Variants in TEKT5 observed in about 807,000 individuals in gnomAD.
TEKT5 encodes tektin 5.
In TEKT5, 52 loss-of-function variants were observed where a neutral mutation model predicts 48.7. That is an observed-to-expected ratio of 1.07 (90% CI 0.86 to 1.35). TEKT5 has a LOEUF of 1.35. TEKT5 is among the 40% of genes most tolerant of loss of function. The pLI is 0.00. For synonymous variants in TEKT5, 318 were observed against 267.6 expected (o/e 1.19, Z -1.84); for missense variants, 831 against 641.6 (o/e 1.30, Z -3.19).
At chr16:10,682,618 A>G (rs1306921810) in intron 3 of TEKT5, among the ~76,000 whole-genome samples, 1 of 152,172 alleles carries the variant, frequency 6.6e-6, no homozygotes, top group Non-Finnish European at 1.5e-5. Flanking sequence ...ATAAGCCACC[A>G]CACCTGGCCC....
At position 10,689,962 on chromosome 16, in the gene TEKT5, C is replaced by T. The variant is rs772683719; in HGVS notation, c.628G>A (p.Val210Met). The change falls in exon 2 of 7, where the codon GTG becomes ATG. Residue 210 changes from valine (V) to methionine (M), a missense_variant. Physicochemically the swap from Val to Met is conservative, Grantham distance 21. Transcript: ENST00000283025. Reference protein sequence around the residue: ...RIGIDLVHDNVEKNLIREVDL... With the variant: ...RIGIDLVHDNMEKNLIREVDL... ...CTTACCCGGATAAGGTTTTTCTCCA[C>T]GTTGTCATGGACCAAATCAATCCCA... 24 of 1,614,032 alleles carry T rather than the reference C, an allele frequency of 1.5e-5. No individual in the cohort carries two copies. Among genetic ancestry groups the T allele is most frequent in the Admixed American group, 1.3e-4 (8 of 60,014 alleles).
intron 1 of TEKT5, chr16:10,690,573 G>T: frequency 1.0e-6 from 1 of 985,332 alleles, no homozygotes; most frequent in Non-Finnish European, 1.2e-6. Flanking sequence ...GTAAATCACT[G>T]AGAACACTGC....
At chr16:10,658,341 T>G (rs2719661) in intron 5 of TEKT5, among the ~76,000 whole-genome samples, 3,554 of 152,260 alleles carry the variant, frequency 0.023, 137 homozygotes, top group African/African-American at 0.082. Flanking sequence ...CATAACAACT[T>G]AAACATCTAT....
chr16:10,654,223 G>A (rs978272489), intron 5 of TEKT5, among the ~76,000 whole-genome samples: 3 of 152,102 alleles, frequency 2.0e-5, no homozygotes, highest in Non-Finnish European at 4.4e-5. Flanking sequence ...GCTAATTTTT[G>A]TGTTTTTCAC....
chr16:10,652,282 C>G (rs1056151143), intron 5 of TEKT5, among the ~76,000 whole-genome samples: 2 of 152,080 alleles, frequency 1.3e-5, no homozygotes, highest in African/African-American at 4.8e-5. Context: ...GCATGCCCAG[C>G]TCTTCCCACA....
chr16:10,682,573 CT>C (rs1898775703), intron 3 of TEKT5, among the ~76,000 whole-genome samples: 2 of 152,224 alleles, frequency 1.3e-5, no homozygotes, highest in South Asian at 4.1e-4. Flanking sequence ...AGTGATCCCC[CT>C]GCCTCAGTTT....
intron 5 of TEKT5, among the ~76,000 whole-genome samples, chr16:10,654,943 C>CT (rs1898233777): frequency 2.1e-5 from 1 of 46,812 alleles, no homozygotes; most frequent in East Asian, 6.1e-4. Context: ...TCCCCTCCCC[C>CT]ACCCCCCCCC....
chr16:10,694,328 C>G lies in TEKT5; in HGVS notation c.546G>C (p.Glu182Asp). The G allele has an allele frequency of 6.2e-7, 1 of 1,602,778 alleles. No homozygotes were observed. The highest frequency in any genetic ancestry group is 8.5e-7 in the Non-Finnish European group (1 of 1,174,174). ...VKRRLECAAN[E>D]VNCPLQVALE... ...TACTCACCTGCAATGGGCAGTTCACCTCATTGGCCGCGCACTCCAGCCGCC... is the reference window on the plus strand; with the variant it reads ...TACTCACCTGCAATGGGCAGTTCACGTCATTGGCCGCGCACTCCAGCCGCC... Residue 182 changes from glutamate (E) to aspartate (D), a missense_variant, in exon 1 of 7, where the codon GAG (glutamate) becomes GAC (aspartate). By Grantham distance (45) the Glu-to-Asp change is conservative. Transcript: ENST00000283025.
intron 5 of TEKT5, among the ~76,000 whole-genome samples, chr16:10,640,074 C>CTTCTCCTCCTTCCTTCCT (rs1555464845): frequency 7.3e-6 from 1 of 136,666 alleles, no homozygotes; most frequent in Non-Finnish European, 1.5e-5. Flanking sequence ...TTTCTTTCTC[C>CTTCTCCTCCTTCCTTCCT]TTCTTCTCCT....
chr16:10,654,464 G>A (rs1372967479), intron 5 of TEKT5, among the ~76,000 whole-genome samples: 1 of 152,170 alleles, frequency 6.6e-6, no homozygotes, highest in Non-Finnish European at 1.5e-5. Flanking sequence ...TGTCTGTGAA[G>A]GTGTTTCTGG....
chr16:10,674,120 G>A (rs1408008167), intron 5 of TEKT5, among the ~76,000 whole-genome samples: 1 of 151,958 alleles, frequency 6.6e-6, no homozygotes, highest in Non-Finnish European at 1.5e-5. Context: ...AGACCCACCT[G>A]CCCCTTCCTC....
intron 3 of TEKT5, among the ~76,000 whole-genome samples, chr16:10,683,617 T>C (rs1297247858): frequency 6.6e-6 from 1 of 152,072 alleles, no homozygotes; most frequent in Non-Finnish European, 1.5e-5. Context: ...TGAGATGGAG[T>C]TTTCCTTTTG....
chr16:10,647,602 G>C (rs909698928), intron 5 of TEKT5, among the ~76,000 whole-genome samples: 1 of 152,030 alleles, frequency 6.6e-6, no homozygotes, highest in African/African-American at 2.4e-5. Flanking sequence ...ATCTAGAGAT[G>C]CCTCAGGCCA....
At chr16:10,641,165 C>T (rs960736678) in intron 5 of TEKT5, among the ~76,000 whole-genome samples, 5 of 152,290 alleles carry the variant, frequency 3.3e-5, no homozygotes, top group Admixed American at 3.3e-4. Flanking sequence ...TTCAGCCATT[C>T]TCATGAACAT....
intron 4 of TEKT5, among the ~76,000 whole-genome samples, chr16:10,676,481 A>AG (rs1301028320): frequency 7.9e-5 from 12 of 152,098 alleles, no homozygotes. Context: ...CTCATTTTAC[A>AG]GGGGAAGCAA....
intron 5 of TEKT5, among the ~76,000 whole-genome samples, chr16:10,658,186 C>T (rs985301997): frequency 1.3e-5 from 2 of 152,134 alleles, no homozygotes; most frequent in East Asian, 1.9e-4. Context: ...CAATATTTGT[C>T]AACCTCTGAA....
At chr16:10,685,690 C>T (rs1330794398) in intron 3 of TEKT5, among the ~76,000 whole-genome samples, 1 of 152,114 alleles carries the variant, frequency 6.6e-6, no homozygotes, top group Non-Finnish European at 1.5e-5. Flanking sequence ...GCATATCTGA[C>T]TCTGTGCCTC....
intron 5 of TEKT5, among the ~76,000 whole-genome samples, chr16:10,656,021 G>A (rs1234744563): frequency 4.6e-5 from 7 of 152,086 alleles, no homozygotes; most frequent in Admixed American, 4.6e-4. Flanking sequence ...CCGTGATGAG[G>A]GTATCTTGAC....
At chr16:10,663,171 C>A (rs1898403960) in intron 5 of TEKT5, among the ~76,000 whole-genome samples, 1 of 152,148 alleles carries the variant, frequency 6.6e-6, no homozygotes, top group Non-Finnish European at 1.5e-5. Context: ...AACCTCGGCT[C>A]AGTGGAAAAG....
Sources: allele counts gnomAD v4.1 joint callset (sites outside exome capture counted in the v4.1 genomes callset), GRCh38; gene constraint gnomAD v4.1.1; transcripts MANE v1.5; gene names NCBI Gene and HGNC (gene_info 2026-07-23, HGNC 2026-07-21).